The following ARHGAP6 variants were observed in gnomAD, a reference collection of about 807,000 sequenced individuals.
ARHGAP6 encodes the protein rho GTPase-activating protein 6.
ARHGAP6 carries 16 observed loss-of-function variants against 55.7 expected under a neutral mutation model. That is an observed-to-expected ratio of 0.29 (90% CI 0.19 to 0.44). The LOEUF is 0.44. Ranked by LOEUF, ARHGAP6 falls within the 20% of genes least tolerant of loss-of-function variation. The pLI is 1.00. For synonymous variants in ARHGAP6, 382 were observed against 360.9 expected (o/e 1.06, Z -0.66); for missense variants, 698 against 808.9 (o/e 0.86, Z 1.66).
At position 11,310,835 on chromosome X, in the gene ARHGAP6, C is replaced by G. The variant is rs1424465556; in HGVS notation, c.589-56128G>C. Among the ~76,000 whole-genome samples, 9 of 111,747 alleles carry G rather than the reference C, an allele frequency of 8.1e-5. No homozygotes were observed. The Admixed American group carries it at 8.6e-4, about 11-fold the overall frequency. ...TCTGTTCTGGCTTCATGGTTCAGCC[C>G]CACTCCTCCCCAACTCCTTCATTTC... On this transcript the variant is annotated intron_variant, in intron 1 of 12. Transcript: ENST00000337414.
At chrX:11,436,606 T>C (rs190519126) in intron 1 of ARHGAP6, among the ~76,000 whole-genome samples, 366 of 112,125 alleles carry the variant, frequency 3.3e-3, no homozygotes, top group Non-Finnish European at 4.3e-3. Flanking sequence ...GGTAGAATTA[T>C]TCATAATGGC....
rs190749892 is a variant in ARHGAP6 at position 11,413,601 on chromosome X, C to T, written c.589-158894G>A. On this transcript the variant is annotated intron_variant, in intron 1 of 12. Transcript: ENST00000337414. Reference sequence around the variant, plus strand: ...CTCCTGGAGGCCCTTTATGTTCTTGCCTCTGAGGGAGTTCTGGATACAGTA... The same window carrying T: ...CTCCTGGAGGCCCTTTATGTTCTTGTCTCTGAGGGAGTTCTGGATACAGTA... Among the ~76,000 whole-genome samples, 105 of 111,550 alleles carry T rather than the reference C, an allele frequency of 9.4e-4. 1 individual carries two copies. The highest frequency in any genetic ancestry group is 1.5e-3 in the Non-Finnish European group (80 of 53,062).
chrX:11,304,721 C>T (rs1215293963), intron 1 of ARHGAP6, among the ~76,000 whole-genome samples: 2 of 106,647 alleles, frequency 1.9e-5, no homozygotes, highest in Non-Finnish European at 3.9e-5. Flanking sequence ...GTCACTCTGG[C>T]ATTGGCACAA....
Position 11,590,910 on chromosome X carries a change from G to GAAAGAAAGAAAAGA in ARHGAP6, c.588+73330_588+73331insTCTTTTCTTTCTTT, listed in dbSNP as rs1556119234. On this transcript the variant is annotated intron_variant, in intron 1 of 12. Transcript: ENST00000337414. The stretch of plus-strand genomic sequence containing the variant: ...AGAAAGAAAGAAAGAAAGAAAGAAA[G>GAAAGAAAGAAAAGA]AAAGAAAAGAAAAGAAAAGATAAGT... Among the ~76,000 whole-genome samples, 12 of 83,854 alleles carry GAAAGAAAGAAAAGA rather than the reference G, an allele frequency of 1.4e-4. 3 individuals carry two copies. Among genetic ancestry groups the GAAAGAAAGAAAAGA allele is most frequent in the East Asian group, 3.2e-4 (1 of 3,082 alleles). The allele number at this position is 83,854 out of a possible 115,157, so 72.8% of individuals were successfully genotyped here. A position where few individuals can be genotyped will look rare whatever the true frequency, so the allele number is the denominator to read the frequency against.
chrX:11,365,399 A>C (rs1028948460), intron 1 of ARHGAP6, among the ~76,000 whole-genome samples: 1 of 112,353 alleles, frequency 8.9e-6, no homozygotes, highest in Non-Finnish European at 1.9e-5. Flanking sequence ...CGACCTATCC[A>C]GTAGGCCTTA....
chrX:11,311,581 TA>T (rs376544042), intron 1 of ARHGAP6, among the ~76,000 whole-genome samples: 1,670 of 111,874 alleles, frequency 0.015, 27 homozygotes, highest in African/African-American at 0.051. Context: ...GGGTTTGTCT[TA>T]AAAATCTCAA....
At position 11,372,554 on chromosome X, in the gene ARHGAP6, C is replaced by T. The variant is rs1188970341; in HGVS notation, c.589-117847G>A. On this transcript the variant is annotated intron_variant, in intron 1 of 12. Transcript: ENST00000337414. ...TTGGGAGGCCGAGGAGGGTGGATTA[C>T]GAGGTCAGGAGATGGAGACCATCCT... 1.6e-4 allele frequency among the ~76,000 whole-genome samples: 17 copies of T among 109,427 alleles called. No homozygotes were observed. In the Admixed American group the frequency reaches 1.7e-3, roughly 11 times the overall value.
At chrX:11,391,160 T>C (rs1447095643) in intron 1 of ARHGAP6, among the ~76,000 whole-genome samples, 1 of 111,754 alleles carries the variant, frequency 8.9e-6, no homozygotes, top group East Asian at 2.8e-4. Flanking sequence ...TCATGTCCTT[T>C]GTAGGGACAT....
chrX:11,487,314 T>C (rs1569363205), intron 1 of ARHGAP6, among the ~76,000 whole-genome samples: 2 of 111,819 alleles, frequency 1.8e-5, no homozygotes, highest in Non-Finnish European at 3.8e-5. Context: ...CATTTTACAC[T>C]AAACAGAGCC....
intron 2 of ARHGAP6, chrX:11,221,289 T>C (rs2046965864): frequency 8.1e-6 from 1 of 124,069 alleles, no homozygotes; most frequent in Non-Finnish European, 1.8e-5. Context: ...AGATCTTTCC[T>C]GCTTTCTCCT....
chrX:11,453,272 A>G, intron 1 of ARHGAP6, among the ~76,000 whole-genome samples: 1 of 97,204 alleles, frequency 1.0e-5, no homozygotes, highest in Non-Finnish European at 2.1e-5. Context: ...TATATATAGC[A>G]TATATATACT....
chrX:11,140,183 C>A (rs1201716220), intron 12 of ARHGAP6, among the ~76,000 whole-genome samples: 1 of 99,640 alleles, frequency 1.0e-5, no homozygotes, highest in Non-Finnish European at 2.1e-5. Flanking sequence ...CATTTCTAGG[C>A]CTGAACTAAA....
chrX:11,272,410 CT>C (rs1306056382), intron 1 of ARHGAP6, among the ~76,000 whole-genome samples: 1 of 110,559 alleles, frequency 9.0e-6, no homozygotes, highest in Non-Finnish European at 1.9e-5. Flanking sequence ...ATTCCTTGAA[CT>C]TTTTCCAGGA....
At chrX:11,232,082 C>G (rs1490415118) in intron 2 of ARHGAP6, among the ~76,000 whole-genome samples, 2 of 112,140 alleles carry the variant, frequency 1.8e-5, no homozygotes, top group African/African-American at 6.5e-5. Context: ...AAACTTTTAT[C>G]AATTTTTTGT....
At chrX:11,416,039 G>A (rs1209676102) in intron 1 of ARHGAP6, among the ~76,000 whole-genome samples, 1 of 111,962 alleles carries the variant, frequency 8.9e-6, no homozygotes, top group African/African-American at 3.2e-5. Context: ...GGTAAAGTAC[G>A]ATTTTGTGTG....
chrX:11,220,719 A>G (rs1001259921), intron 2 of ARHGAP6, among the ~76,000 whole-genome samples: 1 of 110,433 alleles, frequency 9.1e-6, no homozygotes, highest in African/African-American at 3.3e-5. Flanking sequence ...AAGAAACTGC[A>G]TCGACTAACA....
chrX:11,458,820 A>AT (rs112551428), intron 1 of ARHGAP6, among the ~76,000 whole-genome samples: 4 of 110,889 alleles, frequency 3.6e-5, no homozygotes, highest in African/African-American at 1.3e-4. Flanking sequence ...AAGGAGAGAT[A>AT]GTAATAAAAA....
In ARHGAP6 at chrX:11,510,506, G is replaced by A. The variant is rs191604149; in HGVS notation, c.588+153735C>T. On this transcript the variant is annotated intron_variant, in intron 1 of 12. Coordinates refer to ENST00000337414, the MANE Select transcript of ARHGAP6 (RefSeq NM_013427.3). ...GATGATTGAGCTTGTACTCTTTTCC[G>A]TGTCACAGCTATGAAAAAAGCTGCT... Among the ~76,000 whole-genome samples, 16 of 111,286 alleles carry A rather than the reference G, an allele frequency of 1.4e-4. No individual in the cohort carries two copies. The East Asian group carries it at 2.3e-3, about 16-fold the overall frequency.
At position 11,143,989 on chromosome X, in the gene ARHGAP6, G is replaced by C; in HGVS notation, c.2167C>G (p.Leu723Val). The C allele has an allele frequency of 1.7e-6, 2 of 1,211,956 alleles. No homozygotes were observed. Among genetic ancestry groups the C allele is most frequent in the Non-Finnish European group, 2.2e-6 (2 of 895,523 alleles). Reference sequence around the variant, plus strand: ...GCCAGGCTCCAGTTACCTTTCCCAAGCCTTGGTCCAGGAGAACTTTCCCTT... The same window carrying C: ...GCCAGGCTCCAGTTACCTTTCCCAACCCTTGGTCCAGGAGAACTTTCCCTT... ...KSRESSPGPR[L>V]GKDLSEEPFD... Residue 723 changes from leucine (L) to valine (V), a missense_variant, in exon 11 of 13, where the codon CTT becomes GTT. Transcript: ENST00000337414.
Sources: gnomAD v4.1 joint callset for allele counts (sites outside exome capture counted in the v4.1 genomes callset) on GRCh38, gnomAD v4.1.1 for gene constraint, MANE v1.5 for transcripts, NCBI Gene and HGNC (gene_info 2026-07-23, HGNC 2026-07-21) for gene names.